ELAPOR1: variants seen among roughly 807,000 people sequenced by gnomAD.
ELAPOR1 encodes endosome/lysosome-associated apoptosis and autophagy regulator 1.
Under a neutral mutation model 119.7 loss-of-function variants are expected in ELAPOR1, and 77 were observed. The observed-to-expected ratio is 0.64, with a 90% CI of 0.54 to 0.78. The LOEUF is 0.78. ELAPOR1 is among the 30% of genes least tolerant of loss of function. The pLI, the probability that ELAPOR1 is intolerant of heterozygous loss-of-function variation, is 0.00. For synonymous variants in ELAPOR1, 481 were observed against 487.2 expected, an observed-to-expected ratio of 0.99 and a Z score of 0.17; for missense variants, 1,115 against 1,270.4, an observed-to-expected ratio of 0.88 and a Z score of 1.86.
At chr1:109,144,061 A>ATATATTTTTTTTTTT in intron 1 of ELAPOR1, among the ~76,000 whole-genome samples, 15 of 89,008 alleles carry the variant, frequency 1.7e-4, no homozygotes, top group African/African-American at 6.3e-4. Flanking sequence ...ATATTTATAT[A>ATATATTTTTTTTTTT]TTTTTTTTTT....
intron 1 of ELAPOR1, among the ~76,000 whole-genome samples, chr1:109,149,114 T>A (rs959052800): frequency 4.6e-5 from 7 of 152,114 alleles, no homozygotes; most frequent in Admixed American, 3.3e-4. Flanking sequence ...TCCATATGTA[T>A]GAGAAGACTG....
chr1:109,198,070 T>C lies in ELAPOR1; in HGVS notation c.2394T>C (p.Phe798=), dbSNP rs759535173. 3.7e-6 allele frequency: 6 copies of C among 1,611,456 alleles called. No individual in the cohort carries two copies. Among genetic ancestry groups the C allele is most frequent in the Non-Finnish European group, 5.1e-6 (6 of 1,177,574 alleles). The change falls in exon 17 of 22, where the codon TTT becomes TTC. Residue 798 remains phenylalanine (F), a synonymous_variant. Coordinates refer to ENST00000369939, the MANE Select transcript of ELAPOR1 (RefSeq NM_020775.5). ...TGGGAATACCGGACGTGATCTTCTT[T>C]TATAGGTGAAGATGAGAGGCTAGGC... ...ESLGIPDVIF[F]YRSNDVTQSC...
Position 109,114,154 on chromosome 1 carries a change from C to A in ELAPOR1, c.-30C>A. On this transcript the variant is annotated 5_prime_UTR_variant, in exon 1 of 22. Transcript: ENST00000369939. ...AGAAGCAGCAGCCGCAGCACCTGAG[C>A]CGCTACTGCCGCTCACTCAGGACAA... is the stretch of plus-strand genomic sequence containing the variant. 2.0e-6 allele frequency: 3 copies of A among 1,513,772 alleles called. No homozygotes were observed. Among genetic ancestry groups the A allele is most frequent in the South Asian group, 1.2e-5 (1 of 80,050 alleles). 93.8% of individuals were successfully genotyped at this position (1,513,772 alleles called of 1,614,324 possible). A position where few individuals can be genotyped will look rare whatever the true frequency, so the allele number is the denominator to read the frequency against.
chr1:109,152,109 A>G (rs1190522812), intron 1 of ELAPOR1, among the ~76,000 whole-genome samples: 1 of 152,134 alleles, frequency 6.6e-6, no homozygotes, highest in Non-Finnish European at 1.5e-5. Context: ...CCTGGCCTCA[A>G]GCAATCCTTC....
chr1:109,178,783 G>A (rs1472029064), intron 7 of ELAPOR1, among the ~76,000 whole-genome samples: 1 of 152,004 alleles, frequency 6.6e-6, no homozygotes, highest in Non-Finnish European at 1.5e-5. Context: ...TGGCCAATAT[G>A]GTAAAACCCC....
chr1:109,135,533 G>A (rs1274301265), intron 1 of ELAPOR1, among the ~76,000 whole-genome samples: 3 of 152,116 alleles, frequency 2.0e-5, no homozygotes, highest in African/African-American at 4.8e-5. Context: ...GTGAGCCACC[G>A]TGCCCAGCTC....
At chr1:109,158,380 G>C (rs1285733883) in intron 1 of ELAPOR1, among the ~76,000 whole-genome samples, 2 of 147,554 alleles carry the variant, frequency 1.4e-5, no homozygotes, top group Non-Finnish European at 3.0e-5. Flanking sequence ...AAAATATTGT[G>C]AGTCTGAGTG....
At chr1:109,129,371 G>A (rs572335141) in intron 1 of ELAPOR1, among the ~76,000 whole-genome samples, 4 of 152,088 alleles carry the variant, frequency 2.6e-5, no homozygotes, top group South Asian at 2.1e-4. Flanking sequence ...TTAGCTGGGC[G>A]TGGTGGCACA....
Position 109,145,764 on chromosome 1 carries a change from A to G in ELAPOR1, c.154-16130A>G, listed in dbSNP as rs565593422. ...ATGACTATGAAGAAAACATTACTCC[A>G]TGCAGCATAGAGAGAGATGGAACTG... On this transcript the variant is annotated intron_variant, in intron 1 of 21. Transcript: ENST00000369939. Among the ~76,000 whole-genome samples the G allele has an allele frequency of 2.0e-5, 3 of 152,354 alleles. No homozygotes were observed. In the East Asian group the frequency reaches 5.8e-4, roughly 29 times the overall value.
chr1:109,154,528 G>GT (rs1336950815), intron 1 of ELAPOR1, among the ~76,000 whole-genome samples: 1 of 152,098 alleles, frequency 6.6e-6, no homozygotes, highest in African/African-American at 2.4e-5. Flanking sequence ...ACTAGCCCTC[G>GT]TATCCCCTGA....
Position 109,138,640 on chromosome 1 carries a change from C to A in ELAPOR1, c.154-23254C>A, listed in dbSNP as rs148547739. Reference sequence around the variant, plus strand: ...TAATGTTCTCATGAAGGAACACTTTCTCCCCTGGGTCAGAGTCAAATGAGA... The same window carrying A: ...TAATGTTCTCATGAAGGAACACTTTATCCCCTGGGTCAGAGTCAAATGAGA... On this transcript the variant is annotated intron_variant, in intron 1 of 21. Coordinates refer to ENST00000369939, the MANE Select transcript of ELAPOR1 (RefSeq NM_020775.5). Among the ~76,000 whole-genome samples, 233 of 147,968 alleles carry A rather than the reference C, an allele frequency of 1.6e-3. 4 individuals are homozygous for A. In the South Asian group the frequency reaches 0.029, roughly 18 times the overall value.
intron 1 of ELAPOR1, among the ~76,000 whole-genome samples, chr1:109,122,852 G>A (rs748882576): frequency 6.6e-6 from 1 of 152,194 alleles, no homozygotes; most frequent in African/African-American, 2.4e-5. Flanking sequence ...AGCTACTTGG[G>A]AGGCTAAGGT....
In ELAPOR1 at chr1:109,158,493, C is replaced by T. The variant is rs375461772; in HGVS notation, c.154-3401C>T. On this transcript the variant is annotated intron_variant, in intron 1 of 21. Coordinates refer to ENST00000369939, the MANE Select transcript of ELAPOR1 (RefSeq NM_020775.5). ...TTTTTCCTCTTCCTTCTCATGTGCC[C>T]AGGAGTATTACATGGCTGGGTGACG... 2.4e-4 allele frequency among the ~76,000 whole-genome samples: 36 copies of T among 152,086 alleles called. No homozygotes were observed. In the East Asian group the frequency reaches 2.9e-3, roughly 12 times the overall value.
chr1:109,191,051 G>A (rs912288796), intron 11 of ELAPOR1, among the ~76,000 whole-genome samples: 1 of 152,102 alleles, frequency 6.6e-6, no homozygotes, highest in Non-Finnish European at 1.5e-5. Flanking sequence ...GCTGGTCTGT[G>A]GACCATATTC....
At chr1:109,140,040 G>A (rs1343043809) in intron 1 of ELAPOR1, among the ~76,000 whole-genome samples, 1 of 152,294 alleles carries the variant, frequency 6.6e-6, no homozygotes, top group Non-Finnish European at 1.5e-5. Context: ...TGGGATTACA[G>A]GCGTGAGCCA....
At chr1:109,114,737 A>G (rs1647874934) in intron 1 of ELAPOR1, among the ~76,000 whole-genome samples, 1 of 152,148 alleles carries the variant, frequency 6.6e-6, no homozygotes, top group Non-Finnish European at 1.5e-5. Context: ...GTGGGAGAGG[A>G]AAGGAGTTAG....
chr1:109,186,803 C>T (rs1344330116), intron 8 of ELAPOR1: 1 of 985,510 alleles, frequency 1.0e-6, no homozygotes, highest in East Asian at 1.1e-4. Context: ...CCTCCCTGGG[C>T]TCACGCCAAG....
chr1:109,120,139 T>G (rs546284092), intron 1 of ELAPOR1, among the ~76,000 whole-genome samples: 1 of 152,304 alleles, frequency 6.6e-6, no homozygotes, highest in South Asian at 2.1e-4. Context: ...GGCTCATGCC[T>G]GTAATCCCAG....
At chr1:109,146,678 C>G (rs983096447) in intron 1 of ELAPOR1, among the ~76,000 whole-genome samples, 2 of 152,160 alleles carry the variant, frequency 1.3e-5, no homozygotes, top group Admixed American at 6.5e-5. Context: ...GCACTGTAAC[C>G]TTGTGATTGT....
Sources: allele counts gnomAD v4.1 joint callset (sites outside exome capture counted in the v4.1 genomes callset), GRCh38; gene constraint gnomAD v4.1.1; transcripts MANE v1.5; gene names NCBI Gene and HGNC (gene_info 2026-07-23, HGNC 2026-07-21).